Variants in ARHGAP24 observed in about 807,000 individuals in gnomAD.
The protein encoded by ARHGAP24 is Rho GTPase activating protein 24.
Under a neutral mutation model 76.4 loss-of-function variants are expected in ARHGAP24, and 50 were observed. The ratio of observed to expected loss-of-function variants is 0.65; its 90% CI spans 0.52 to 0.83. The LOEUF is 0.83. ARHGAP24 is among the 40% of genes least tolerant of loss of function. The pLI, the probability that ARHGAP24 is intolerant of heterozygous loss-of-function variation, is 0.00. For synonymous variants in ARHGAP24, 345 were observed against 323.3 expected, an observed-to-expected ratio of 1.07 and a Z score of -0.72; for missense variants, 930 against 914.2, an observed-to-expected ratio of 1.02 and a Z score of -0.22.
intron 2 of ARHGAP24, among the ~76,000 whole-genome samples, chr4:85,602,357 A>C (rs1252364435): frequency 6.6e-6 from 1 of 152,180 alleles, no homozygotes; most frequent in Non-Finnish European, 1.5e-5. Flanking sequence ...CAGTTGAGAG[A>C]AGGTGATTTC....
intron 3 of ARHGAP24, among the ~76,000 whole-genome samples, chr4:85,869,206 A>T (rs1181426725): frequency 6.6e-6 from 1 of 152,152 alleles, no homozygotes; most frequent in African/African-American, 2.4e-5. Context: ...ACGTAACAAG[A>T]AGCGCAGATG....
intron 2 of ARHGAP24, among the ~76,000 whole-genome samples, chr4:85,601,545 T>G (rs1222279581): frequency 6.6e-6 from 1 of 152,132 alleles, no homozygotes; most frequent in African/African-American, 2.4e-5. Flanking sequence ...GCTAGATGCT[T>G]GGCAACCCCC....
intron 3 of ARHGAP24, among the ~76,000 whole-genome samples, chr4:85,728,369 A>C (rs904074243): frequency 1.3e-5 from 2 of 150,878 alleles, no homozygotes; most frequent in Admixed American, 6.6e-5. Flanking sequence ...AGACTTTATT[A>C]TCTCTCTCTC....
chr4:85,653,413 C>G (rs1160729026), intron 2 of ARHGAP24, among the ~76,000 whole-genome samples: 5 of 152,064 alleles, frequency 3.3e-5, no homozygotes, highest in African/African-American at 1.2e-4. Context: ...TGCAGATGCT[C>G]TAGATTTGCA....
At chr4:85,904,779 A>G (rs1162930975) in intron 3 of ARHGAP24, among the ~76,000 whole-genome samples, 1 of 152,224 alleles carries the variant, frequency 6.6e-6, no homozygotes, top group African/African-American at 2.4e-5. Flanking sequence ...AAAACAAATG[A>G]TCTGTTTCAG....
At chr4:85,830,827 G>C (rs1012064201) in intron 3 of ARHGAP24, among the ~76,000 whole-genome samples, 5 of 152,164 alleles carry the variant, frequency 3.3e-5, no homozygotes, top group African/African-American at 7.2e-5. Context: ...TGGACCGCTG[G>C]CTATAAGGAC....
intron 3 of ARHGAP24, among the ~76,000 whole-genome samples, chr4:85,752,600 G>T (rs1039043010): frequency 6.6e-6 from 1 of 152,160 alleles, no homozygotes; most frequent in Non-Finnish European, 1.5e-5. Context: ...TACATGTTTT[G>T]GAATAGTGAA....
chr4:85,887,216 G>A (rs1242190931), intron 3 of ARHGAP24, among the ~76,000 whole-genome samples: 1 of 151,954 alleles, frequency 6.6e-6, no homozygotes, highest in Non-Finnish European at 1.5e-5. Context: ...TATTGCCAAA[G>A]GTTTATGTAA....
In ARHGAP24 at chr4:85,994,888, G is replaced by T; in HGVS notation, c.1234G>T (p.Val412Leu). Residue 412 changes from valine (V) to leucine (L), a missense_variant, in exon 9 of 10, where the codon GTG (valine) becomes TTG (leucine). Physicochemically the swap from Val to Leu is conservative, Grantham distance 32. Transcript: ENST00000395184. Reference sequence around the variant, plus strand: ...AAAGAACAGTGTTCACAAGCTAGATGTGTCTAGAAGCCCCCCTCTCATGGT... The same window carrying T: ...AAAGAACAGTGTTCACAAGCTAGATTTGTCTAGAAGCCCCCCTCTCATGGT... ...SPKNSVHKLD[V>L]SRSPPLMVKK... is the part of the protein sequence containing the mutation. 1 of 1,614,138 alleles carries T rather than the reference G, an allele frequency of 6.2e-7. No individual in the cohort carries two copies. The highest frequency in any genetic ancestry group is 8.5e-7 in the Non-Finnish European group (1 of 1,180,024).
At chr4:85,513,096 A>T (rs1174831957) in intron 1 of ARHGAP24, among the ~76,000 whole-genome samples, 4 of 152,258 alleles carry the variant, frequency 2.6e-5, no homozygotes. Context: ...TTGGCTAAAC[A>T]CACACAAGGA....
At chr4:85,944,233 T>C (rs908081153) in intron 5 of ARHGAP24, among the ~76,000 whole-genome samples, 2 of 152,254 alleles carry the variant, frequency 1.3e-5, no homozygotes, top group Admixed American at 1.3e-4. Context: ...TTTTTCCATA[T>C]GTTTGTTGGC....
chr4:85,696,837 A>G (rs1004641019), intron 2 of ARHGAP24, among the ~76,000 whole-genome samples: 5 of 152,216 alleles, frequency 3.3e-5, no homozygotes, highest in African/African-American at 1.2e-4. Flanking sequence ...ATGAAAGGAC[A>G]CCATGCAGAA....
At chr4:85,976,402 A>T (rs1739329339) in intron 7 of ARHGAP24, among the ~76,000 whole-genome samples, 1 of 152,290 alleles carries the variant, frequency 6.6e-6, no homozygotes, top group African/African-American at 2.4e-5. Context: ...TTTGGAGAAG[A>T]TCCCCCCTCT....
chr4:85,790,077 C>A (rs1416732008), intron 3 of ARHGAP24, among the ~76,000 whole-genome samples: 1 of 151,870 alleles, frequency 6.6e-6, no homozygotes, highest in Non-Finnish European at 1.5e-5. Flanking sequence ...GGCCCTATGC[C>A]CAAAGTATCT....
chr4:85,580,192 C>A (rs1331274848), intron 2 of ARHGAP24, among the ~76,000 whole-genome samples: 2 of 151,048 alleles, frequency 1.3e-5, no homozygotes, highest in African/African-American at 4.9e-5. Flanking sequence ...GGCAGAGAAA[C>A]CATGAGCTGG....
In ARHGAP24 at chr4:85,803,212, G is replaced by A. The variant is rs139054120; in HGVS notation, c.268+81240G>A. 2.6e-3 allele frequency among the ~76,000 whole-genome samples: 394 copies of A among 152,308 alleles called. 3 individuals carry two copies. The highest frequency in any genetic ancestry group is 9.2e-3 in the African/African-American group (382 of 41,562). On this transcript the variant is annotated intron_variant, in intron 3 of 9. Coordinates refer to ENST00000395184, the MANE Select transcript of ARHGAP24 (RefSeq NM_001025616.3). ...AATACCAAAATATTACATTGGGTCT[G>A]GCTTTTGTGCCTTACTGAGGCCCAT...
At chr4:85,750,142 T>A (rs188535242) in intron 3 of ARHGAP24, among the ~76,000 whole-genome samples, 9 of 152,282 alleles carry the variant, frequency 5.9e-5, no homozygotes, top group Non-Finnish European at 8.8e-5. Context: ...GGAGAAAATT[T>A]AAAAATAAGC....
chr4:85,793,255 A>C (rs931902352), intron 3 of ARHGAP24, among the ~76,000 whole-genome samples: 2 of 152,144 alleles, frequency 1.3e-5, no homozygotes, highest in African/African-American at 4.8e-5. Context: ...TATTTCGAAA[A>C]ACTCCAGTGA....
At chr4:85,915,960 G>A (rs544335688) in intron 3 of ARHGAP24, among the ~76,000 whole-genome samples, 15 of 152,212 alleles carry the variant, frequency 9.9e-5, no homozygotes, top group African/African-American at 2.9e-4. Context: ...TGGGTCAAAC[G>A]GCATTTCTGG....
Sources: gnomAD v4.1 joint callset for allele counts (sites outside exome capture counted in the v4.1 genomes callset) on GRCh38, gnomAD v4.1.1 for gene constraint, MANE v1.5 for transcripts, NCBI Gene and HGNC (gene_info 2026-07-23, HGNC 2026-07-21) for gene names.